NCBP1: variants seen among roughly 807,000 people sequenced by gnomAD.
NCBP1 encodes nuclear cap binding protein subunit 1.
In NCBP1, 16 loss-of-function variants were observed where a neutral mutation model predicts 111.7. That is an observed-to-expected ratio of 0.14 (90% CI 0.10 to 0.22). NCBP1 has a LOEUF of 0.22. NCBP1 is among the 10% of genes least tolerant of loss of function. The pLI, the probability that NCBP1 is intolerant of heterozygous loss-of-function variation, is 1.00. For synonymous variants in NCBP1, 304 were observed against 314.3 expected, an observed-to-expected ratio of 0.97 and a Z score of 0.35; for missense variants, 607 against 957.5, an observed-to-expected ratio of 0.63 and a Z score of 4.83.
intron 20 of NCBP1, among the ~76,000 whole-genome samples, chr9:97,667,395 G>A (rs1049390823): frequency 6.6e-5 from 10 of 152,110 alleles, no homozygotes; most frequent in African/African-American, 1.7e-4. Flanking sequence ...CCAGTGTTAT[G>A]CATATTTACC....
chr9:97,638,846 G>C (rs1293137229), intron 1 of NCBP1, among the ~76,000 whole-genome samples: 1 of 151,008 alleles, frequency 6.6e-6, no homozygotes, highest in African/African-American at 2.4e-5. Context: ...AGGTTTGCCA[G>C]ATGACCACTG....
chr9:97,641,181 G>C (rs1360710895), intron 2 of NCBP1, among the ~76,000 whole-genome samples: 1 of 152,090 alleles, frequency 6.6e-6, no homozygotes, highest in Non-Finnish European at 1.5e-5. Flanking sequence ...AATTTGCCCA[G>C]AGTAAGAGAG....
Position 97,641,542 on chromosome 9 carries a change from T to TA in NCBP1, c.124-18dup. The TA allele has an allele frequency of 6.5e-7, 1 of 1,546,668 alleles. No homozygotes were observed. The highest frequency in any genetic ancestry group is 8.8e-7 in the Non-Finnish European group (1 of 1,142,234). Reference sequence around the variant, plus strand: ...TGTTGCTGAGTACTTGACAGATATTTAATGTGATGTCCTCTACAGAGTGCC... The same window carrying TA: ...TGTTGCTGAGTACTTGACAGATATTTAAATGTGATGTCCTCTACAGAGTGCC... On this transcript the variant is annotated intron_variant, in intron 2 of 22. Coordinates refer to ENST00000375147, the MANE Select transcript of NCBP1 (RefSeq NM_002486.5).
intron 2 of NCBP1, 114 bp from the exon 3 acceptor site, chr9:97,641,448 G>C: frequency 1.3e-6 from 1 of 776,280 alleles, no homozygotes; most frequent in South Asian, 4.6e-5. Context: ...GATTGGTAAT[G>C]ATTTTAAAAT....
Position 97,667,456 on chromosome 9 carries a change from G to A in NCBP1, c.2016+579G>A, listed in dbSNP as rs117740834. On this transcript the variant is annotated intron_variant, in intron 20 of 22. Coordinates refer to ENST00000375147, the MANE Select transcript of NCBP1 (RefSeq NM_002486.5). ...GTTTAGTGCCCTATAGGAACCTTTC[G>A]CAAGTTTGAGTACCAGTCTCCATGT... Among the ~76,000 whole-genome samples, 818 of 152,254 alleles carry A rather than the reference G, an allele frequency of 5.4e-3. 4 individuals are homozygous for A. The highest frequency in any genetic ancestry group is 0.02 in the Middle Eastern group (6 of 294).
intron 15 of NCBP1, among the ~76,000 whole-genome samples, chr9:97,660,397 C>A (rs1407872458): frequency 6.6e-6 from 1 of 152,102 alleles, no homozygotes; most frequent in Non-Finnish European, 1.5e-5. Flanking sequence ...TACAAGGAGT[C>A]CCATCACGTG....
Position 97,633,880 on chromosome 9 carries a change from G to T in NCBP1, c.-2G>T. The T allele has an allele frequency of 6.3e-7, 1 of 1,587,534 alleles. No homozygotes were observed. Among genetic ancestry groups the T allele is most frequent in the Non-Finnish European group, 8.5e-7 (1 of 1,173,032 alleles). On this transcript the variant is annotated 5_prime_UTR_variant, in exon 1 of 23. Transcript: ENST00000375147. Reference sequence around the variant, plus strand: ...CGGTTCCGCGGCGCACCGGAGGGCAGCATGTCGCGGCGGCGGCACAGCGAC... The same window carrying T: ...CGGTTCCGCGGCGCACCGGAGGGCATCATGTCGCGGCGGCGGCACAGCGAC...
chr9:97,634,164 A>AC (rs1233475486), intron 1 of NCBP1, among the ~76,000 whole-genome samples: 1 of 152,184 alleles, frequency 6.6e-6, no homozygotes. Flanking sequence ...CCATGGGTAG[A>AC]CCCTTGGTCT....
chr9:97,643,394 A>C (rs753368029), intron 4 of NCBP1, 34 bp downstream of exon 4: 1 of 1,517,144 alleles, frequency 6.6e-7, no homozygotes, highest in South Asian at 1.3e-5. Context: ...TGTTATGACT[A>C]CTGTTGGGAT....
chr9:97,658,519 C>A, intron 14 of NCBP1, 121 bp from the exon 15 acceptor site: 2 of 719,990 alleles, frequency 2.8e-6, no homozygotes, highest in Non-Finnish European at 4.7e-6. Flanking sequence ...TTTTCCCTTT[C>A]ACTTCTTGGT....
chr9:97,641,716 A>T, intron 3 of NCBP1, 54 bp downstream of exon 3: 1 of 1,456,428 alleles, frequency 6.9e-7, no homozygotes, highest in South Asian at 1.4e-5. Flanking sequence ...TCTACTCTTA[A>T]ATGCTTTGGG....
At chr9:97,662,568 T>C (rs1040364009) in intron 17 of NCBP1, among the ~76,000 whole-genome samples, 4 of 152,180 alleles carry the variant, frequency 2.6e-5, no homozygotes, top group Admixed American at 2.0e-4. Flanking sequence ...AAAGAGCACA[T>C]AGATTTTCCT....
At chr9:97,666,988 A>G (rs1034320137) in intron 20 of NCBP1, 111 bp downstream of exon 20, 3 of 796,774 alleles carry the variant, frequency 3.8e-6, no homozygotes, top group Non-Finnish European at 5.6e-6. Context: ...GCCCAAATTA[A>G]TGCAGAGCAG....
rs566915742 is a variant in NCBP1 at position 97,641,463 on chromosome 9, G to C, written c.124-99G>C. ...GATTGGTAATGATTTTAAAATGATAGATTTTAAAATATGTATATATTTACA... is the reference window on the plus strand; with the variant it reads ...GATTGGTAATGATTTTAAAATGATACATTTTAAAATATGTATATATTTACA... On this transcript the variant is annotated intron_variant, in intron 2 of 22. Transcript: ENST00000375147. The C allele has an allele frequency of 1.3e-3, 1,155 of 889,188 alleles. 6 individuals are homozygous for C. In the African/African-American group the frequency reaches 0.019, roughly 14 times the overall value. 55.1% of individuals were successfully genotyped at this position (889,188 alleles called of 1,614,324 possible). A position where few individuals can be genotyped will look rare whatever the true frequency, so the allele number is the denominator to read the frequency against.
At chr9:97,665,988 G>A (rs1827992658) in intron 19 of NCBP1, among the ~76,000 whole-genome samples, 1 of 152,148 alleles carries the variant, frequency 6.6e-6, no homozygotes, top group Non-Finnish European at 1.5e-5. Context: ...ACATTGAGTA[G>A]GCTGAGGAAG....
intron 1 of NCBP1, among the ~76,000 whole-genome samples, chr9:97,639,894 CAA>C (rs35746380): frequency 9.2e-5 from 14 of 151,908 alleles, no homozygotes; most frequent in Admixed American, 2.0e-4. Context: ...GTTGAGCAAT[CAA>C]AAAGACAGAT....
chr9:97,655,847 T>C (rs953668451), intron 13 of NCBP1, 83 bp downstream of exon 13: 1 of 1,415,170 alleles, frequency 7.1e-7, no homozygotes, highest in African/African-American at 1.4e-5. Flanking sequence ...GTCTGAAATA[T>C]TTAATTTCTT....
chr9:97,634,761 G>GT (rs1484195882), intron 1 of NCBP1: 1 of 152,190 alleles, frequency 6.6e-6, no homozygotes, highest in Non-Finnish European at 1.5e-5. Context: ...TTAGTGTATT[G>GT]TTTTTTGAAG....
At chr9:97,640,772 A>AT (rs760866946) in intron 1 of NCBP1, 22 bp from the exon 2 acceptor site, 2 of 1,575,356 alleles carry the variant, frequency 1.3e-6, no homozygotes, top group Admixed American at 1.9e-5. Context: ...TGTAATGTTA[A>AT]TTTTTTATGT....
Sources: gnomAD v4.1 joint callset for allele counts (sites outside exome capture counted in the v4.1 genomes callset) on GRCh38, gnomAD v4.1.1 for gene constraint, MANE v1.5 for transcripts, NCBI Gene and HGNC (gene_info 2026-07-23, HGNC 2026-07-21) for gene names.